MED28: variants seen among roughly 807,000 people sequenced by gnomAD.
The protein encoded by MED28 is mediator of RNA polymerase II transcription subunit 28.
In MED28, 26 loss-of-function variants were observed where a neutral mutation model predicts 21.3. That is an observed-to-expected ratio of 1.22 (90% confidence interval 0.89 to 1.69). The LOEUF (loss-of-function observed/expected upper bound fraction) is 1.69. Ranked by LOEUF, MED28 falls within the 40% of genes most tolerant of loss-of-function variation. The pLI is 0.00. For synonymous variants in MED28, 110 were observed against 87.6 expected, an observed-to-expected ratio of 1.26 and a Z score of -1.43; for missense variants, 257 against 215.4, an observed-to-expected ratio of 1.19 and a Z score of -1.21.
In MED28 at chr4:17,631,840, T is replaced by C. The variant is rs1480744241; in HGVS notation, c.*8042T>C. ...CATTTTGGAATTGCATCATTTTACA[T>C]AGAAACAGCTTTCCAGTGGAGTTGA... On this transcript the variant is annotated 3_prime_UTR_variant, in exon 4 of 4. Transcript: ENST00000237380. 1.3e-5 allele frequency: 2 copies of C among 152,276 alleles called. No homozygotes were observed. The highest frequency in any genetic ancestry group is 4.8e-5 in the African/African-American group (2 of 41,538). The allele number at this position is 152,276 out of a possible 1,614,324, so 9.4% of individuals were successfully genotyped here.
chr4:17,616,977 C>T (rs1714471842), intron 1 of MED28, among the ~76,000 whole-genome samples: 1 of 152,164 alleles, frequency 6.6e-6, no homozygotes, highest in South Asian at 2.1e-4. Context: ...CAGTCCCTGC[C>T]TTCAGGAAGC....
intron 1 of MED28, among the ~76,000 whole-genome samples, chr4:17,615,626 A>G (rs1300193112): frequency 6.6e-6 from 1 of 152,164 alleles, no homozygotes; most frequent in South Asian, 2.1e-4. Flanking sequence ...CCTGACCAAC[A>G]TGGTGAAACC....
At position 17,630,371 on chromosome 4, in the gene MED28, T is replaced by A. The variant is rs979077104; in HGVS notation, c.*6573T>A. The stretch of plus-strand genomic sequence containing the variant: ...CAATGGAGTCATGAGGGCTTCACCC[T>A]CATGAGTAGGATAAGTACCCTTACA... On this transcript the variant is annotated 3_prime_UTR_variant, in exon 4 of 4. Coordinates refer to ENST00000237380, the MANE Select transcript of MED28 (RefSeq NM_025205.5). 3.3e-5 allele frequency: 5 copies of A among 152,130 alleles called. No homozygotes were observed. Among genetic ancestry groups the A allele is most frequent in the African/African-American group, 9.7e-5 (4 of 41,440 alleles). 9.4% of individuals were successfully genotyped at this position (152,130 alleles called of 1,614,324 possible). A position where few individuals can be genotyped will look rare whatever the true frequency, so the allele number is the denominator to read the frequency against.
chr4:17,625,707 C>A lies in MED28; in HGVS notation c.*1909C>A. The A allele has an allele frequency of 4.5e-6, 2 of 444,878 alleles. No individual in the cohort carries two copies. Among genetic ancestry groups the A allele is most frequent in the Non-Finnish European group, 8.9e-6 (2 of 223,768 alleles). 27.6% of individuals were successfully genotyped at this position (444,878 alleles called of 1,614,324 possible). On this transcript the variant is annotated 3_prime_UTR_variant, in exon 4 of 4. Coordinates refer to ENST00000237380, the MANE Select transcript of MED28 (RefSeq NM_025205.5). ...TCTAAGAAACCCTCTGAGCTGCTAACTTTTTCAGGGAGAAAATCACAAGCC... is the reference window on the plus strand; with the variant it reads ...TCTAAGAAACCCTCTGAGCTGCTAAATTTTTCAGGGAGAAAATCACAAGCC...
chr4:17,621,506 A>C (rs924974078), intron 2 of MED28, 81 bp from the exon 3 acceptor site: 4 of 954,206 alleles, frequency 4.2e-6, no homozygotes, highest in Non-Finnish European at 4.6e-6. Context: ...TTGTTTTTAC[A>C]TTCTGATTAT....
chr4:17,631,665 AT>A lies in MED28; in HGVS notation c.*7868del, dbSNP rs1394990022. 1 of 152,208 alleles carries A rather than the reference AT, an allele frequency of 6.6e-6. No individual in the cohort carries two copies. Among genetic ancestry groups the A allele is most frequent in the Non-Finnish European group, 1.5e-5 (1 of 68,046 alleles). The allele number at this position is 152,208 out of a possible 1,614,324, so 9.4% of individuals were successfully genotyped here. A position where few individuals can be genotyped will look rare whatever the true frequency, so the allele number is the denominator to read the frequency against. ...CAAAGCCCTTTTAGAGGTGGGTGTT[AT>A]CCCATCTATAATCTGCTGCTTGTCT... On this transcript the variant is annotated 3_prime_UTR_variant, in exon 4 of 4. Coordinates refer to ENST00000237380, the MANE Select transcript of MED28 (RefSeq NM_025205.5).
chr4:17,633,610 G>A lies in MED28; in HGVS notation c.*9812G>A. 7.9e-7 allele frequency: 1 copy of A among 1,271,820 alleles called. No homozygotes were observed. Among genetic ancestry groups the A allele is most frequent in the Non-Finnish European group, 1.0e-6 (1 of 973,892 alleles). 78.8% of individuals were successfully genotyped at this position (1,271,820 alleles called of 1,614,324 possible). A position where few individuals can be genotyped will look rare whatever the true frequency, so the allele number is the denominator to read the frequency against. ...AAAGGCCTTCTGGAATTTGGTACCA[G>A]GTGCTAGAAAGAATCCTACTTCCCC... is the stretch of plus-strand genomic sequence containing the variant. On this transcript the variant is annotated 3_prime_UTR_variant, in exon 4 of 4. Transcript: ENST00000237380.
In MED28 at chr4:17,630,025, A is replaced by C. The variant is rs1714877033; in HGVS notation, c.*6227A>C. 6.6e-6 allele frequency: 1 copy of C among 152,208 alleles called. No homozygotes were observed. The highest frequency in any genetic ancestry group is 2.1e-4 in the South Asian group (1 of 4,830). The allele number at this position is 152,208 out of a possible 1,614,324, so 9.4% of individuals were successfully genotyped here. On this transcript the variant is annotated 3_prime_UTR_variant, in exon 4 of 4. Coordinates refer to ENST00000237380, the MANE Select transcript of MED28 (RefSeq NM_025205.5). Reference sequence around the variant, plus strand: ...ATATAATCATTGCAGGGTAGAATTTAGAAATTTAAGACTGAAAGATCTTTT... The same window carrying C: ...ATATAATCATTGCAGGGTAGAATTTCGAAATTTAAGACTGAAAGATCTTTT...
In MED28 at chr4:17,624,204, C is replaced by T. The variant is rs1478529496; in HGVS notation, c.*406C>T. The T allele has an allele frequency of 1.0e-5, 2 of 199,596 alleles. No individual in the cohort carries two copies. The highest frequency in any genetic ancestry group is 2.3e-5 in the African/African-American group (1 of 42,856). The allele number at this position is 199,596 out of a possible 1,614,324, so 12.4% of individuals were successfully genotyped here. On this transcript the variant is annotated 3_prime_UTR_variant, in exon 4 of 4. Coordinates refer to ENST00000237380, the MANE Select transcript of MED28 (RefSeq NM_025205.5). ...GGAGATGGGAGTTTTAGTCGTAGGC[C>T]TTATGATAATTACCCCGCGGTGGTG...
intron 1 of MED28, among the ~76,000 whole-genome samples, chr4:17,616,595 C>G (rs1013551506): frequency 6.6e-6 from 1 of 152,194 alleles, no homozygotes; most frequent in South Asian, 2.1e-4. Context: ...AAGACTTTCC[C>G]ACGTGTACCA....
Position 17,625,671 on chromosome 4 carries a change from A to G in MED28, c.*1873A>G, listed in dbSNP as rs2315552. The G allele has an allele frequency of 0.54, 239,646 of 446,114 alleles. 70,182 individuals are homozygous for G. The highest frequency in any genetic ancestry group is 0.83 in the East Asian group (11,675 of 14,150). The allele number at this position is 446,114 out of a possible 1,614,324, so 27.6% of individuals were successfully genotyped here. On this transcript the variant is annotated 3_prime_UTR_variant, in exon 4 of 4. Transcript: ENST00000237380. ...CTGTTTGTAGACATCTTACTGGGTG[A>G]TGAATAATCCTCTAAGAAACCCTCT... is the stretch of plus-strand genomic sequence containing the variant.
At position 17,634,065 on chromosome 4, in the gene MED28, A is replaced by G. The variant is rs181824507; in HGVS notation, c.*10267A>G. 76 of 476,176 alleles carry G rather than the reference A, an allele frequency of 1.6e-4. No individual in the cohort carries two copies. In the East Asian group the frequency reaches 2.4e-3, roughly 15 times the overall value. 29.5% of individuals were successfully genotyped at this position (476,176 alleles called of 1,614,324 possible). A position where few individuals can be genotyped will look rare whatever the true frequency, so the allele number is the denominator to read the frequency against. On this transcript the variant is annotated 3_prime_UTR_variant, in exon 4 of 4. Transcript: ENST00000237380. ...CTTTTCCCTCCAATCTTCATTTTGTATTATAAATAAATATGTATGTTCACA... is the reference window on the plus strand; with the variant it reads ...CTTTTCCCTCCAATCTTCATTTTGTGTTATAAATAAATATGTATGTTCACA...
In MED28 at chr4:17,625,969, C is replaced by G. The variant is rs1014540466; in HGVS notation, c.*2171C>G. ...ATGATCCCATTCAGTCTTCTAGAAG[C>G]CTTATAACAGAATCAATATTGTTTT... On this transcript the variant is annotated 3_prime_UTR_variant, in exon 4 of 4. Transcript: ENST00000237380. 3.2e-4 allele frequency: 54 copies of G among 169,444 alleles called. No individual in the cohort carries two copies. The highest frequency in any genetic ancestry group is 1.4e-4 in the Non-Finnish European group (11 of 79,026). 10.5% of individuals were successfully genotyped at this position (169,444 alleles called of 1,614,324 possible).
chr4:17,623,234 CTA>C (rs1714685122), intron 3 of MED28, among the ~76,000 whole-genome samples: 1 of 152,052 alleles, frequency 6.6e-6, no homozygotes, highest in African/African-American at 2.4e-5. Context: ...AACCGCATCT[CTA>C]CTAAAAATAT....
rs750651453 is a variant in MED28, at chr4:17,623,738, C to T, written c.477C>T (p.Gly159=). Residue 159 remains glycine, a synonymous_variant, in exon 4 of 4, where the codon GGC becomes GGT. Coordinates refer to ENST00000237380, the MANE Select transcript of MED28 (RefSeq NM_025205.5). ...QHKKPADIPQ[G]SLAYLEQASA... ...AAAAGCCCGCCGACATCCCTCAGGG[C>T]TCCTTGGCCTACCTGGAGCAGGCAT... The T allele has an allele frequency of 3.1e-6, 5 of 1,614,086 alleles. No individual in the cohort carries two copies. The highest frequency in any genetic ancestry group is 4.2e-6 in the Non-Finnish European group (5 of 1,180,042).
chr4:17,628,614 C>CA lies in MED28; in HGVS notation c.*4817dup, dbSNP rs937004828. 63 of 152,238 alleles carry CA rather than the reference C, an allele frequency of 4.1e-4. No individual in the cohort carries two copies. Among genetic ancestry groups the CA allele is most frequent in the African/African-American group, 1.5e-3 (62 of 41,536 alleles). 9.4% of individuals were successfully genotyped at this position (152,238 alleles called of 1,614,324 possible). On this transcript the variant is annotated 3_prime_UTR_variant, in exon 4 of 4. Coordinates refer to ENST00000237380, the MANE Select transcript of MED28 (RefSeq NM_025205.5). ...GGTGGGCTTTGGCTGAAGGCATTCA[C>CA]ACCCCCCAGTGAATGTCTTGCACTT...
Position 17,633,551 on chromosome 4 carries a change from T to A in MED28, c.*9753T>A. The stretch of plus-strand genomic sequence containing the variant: ...ACCCATGCTGAAGTTTTCAGGTAAG[T>A]GATTCAGTGTCCCTTGTCTAATCAT... On this transcript the variant is annotated 3_prime_UTR_variant, in exon 4 of 4. Transcript: ENST00000237380. 1.3e-6 allele frequency: 1 copy of A among 761,722 alleles called. No homozygotes were observed. The highest frequency in any genetic ancestry group is 2.0e-6 in the Non-Finnish European group (1 of 501,382). 47.2% of individuals were successfully genotyped at this position (761,722 alleles called of 1,614,324 possible).
intron 2 of MED28, among the ~76,000 whole-genome samples, chr4:17,620,504 T>C (rs1714592157): frequency 6.6e-6 from 1 of 152,148 alleles, no homozygotes; most frequent in Non-Finnish European, 1.5e-5. Context: ...CAGCTAATTT[T>C]ATATTTTTAG....
chr4:17,620,169 A>G (rs1030917048), intron 2 of MED28: 5 of 577,494 alleles, frequency 8.7e-6, no homozygotes, highest in Non-Finnish European at 1.5e-5. Flanking sequence ...AATCATTTAT[A>G]ATGAACTTTT....
Sources: gnomAD v4.1 joint callset for allele counts (sites outside exome capture counted in the v4.1 genomes callset) on GRCh38, gnomAD v4.1.1 for gene constraint, MANE v1.5 for transcripts, NCBI Gene and HGNC (gene_info 2026-07-23, HGNC 2026-07-21) for gene names.